The following KIF1A variants were observed in gnomAD, a reference collection of about 807,000 sequenced individuals.
The protein encoded by KIF1A is kinesin-like protein KIF1A.
Under a neutral mutation model 227.3 loss-of-function variants are expected in KIF1A, and 46 were observed. The observed-to-expected ratio is 0.20, with a 90% CI of 0.16 to 0.26. KIF1A has a LOEUF of 0.26. Among genes scored for constraint, KIF1A ranks in the 10% least tolerant of loss-of-function variants. KIF1A has a pLI of 1.00. For missense variants in KIF1A, 1,683 were observed against 2,485.9 expected (o/e 0.68, Z 6.87); for synonymous variants, 1,022 against 1,012.8 (o/e 1.01, Z -0.17).
chr2:240,791,124 C>T (rs1031127522), intron 2 of KIF1A, among the ~76,000 whole-genome samples: 1 of 152,082 alleles, frequency 6.6e-6, no homozygotes, highest in Admixed American at 6.5e-5. Context: ...CCATCACAGC[C>T]CTGTCCTCGG....
chr2:240,719,331 A>G (rs2044979246), intron 46 of KIF1A, 133 bp from the exon 47 acceptor site: 1 of 1,000,564 alleles, frequency 1.0e-6, no homozygotes, highest in Non-Finnish European at 1.4e-6. Context: ...GGGTCGAGGC[A>G]TCGAAGGGCA....
intron 1 of KIF1A, among the ~76,000 whole-genome samples, chr2:240,810,735 C>T (rs994540712): frequency 7.9e-5 from 12 of 152,162 alleles, no homozygotes; most frequent in Admixed American, 2.6e-4. Context: ...TCAGGGCAGA[C>T]GATGACACTC....
intron 10 of KIF1A, among the ~76,000 whole-genome samples, chr2:240,776,763 C>T (rs1295158137): frequency 6.6e-6 from 1 of 152,246 alleles, no homozygotes; most frequent in African/African-American, 2.4e-5. Context: ...CACCCCAGGA[C>T]ATGCACGCAG....
In KIF1A at chr2:240,773,261, G is replaced by A. The variant is rs1025410350; in HGVS notation, c.1038-5C>T. 4 of 1,613,806 alleles carry A rather than the reference G, an allele frequency of 2.5e-6. No individual in the cohort carries two copies. In the African/African-American group the frequency reaches 4.0e-5, roughly 16 times the overall value. ...TGCTTGGCCCGGTCAGCATACCTGG[G>A]TGGCAGAGGGGGCTGTGGGCTGTGC... On this transcript the variant is annotated splice_polypyrimidine_tract_variant and splice_region_variant and intron_variant, in intron 12 of 48. Coordinates refer to ENST00000498729, the MANE Select transcript of KIF1A (RefSeq NM_001244008.2).
Position 240,765,699 on chromosome 2 carries a change from C to G in KIF1A, c.1768+11G>C. On this transcript the variant is annotated intron_variant, in intron 20 of 48. Coordinates refer to ENST00000498729, the MANE Select transcript of KIF1A (RefSeq NM_001244008.2). ...GCCTACCTGACTGGCCCCCGGAGTC[C>G]CCAGCCATACCTGAACGCAGGATGC... is the stretch of plus-strand genomic sequence containing the variant. The G allele has an allele frequency of 6.2e-7, 1 of 1,610,704 alleles. No homozygotes were observed. The highest frequency in any genetic ancestry group is 1.1e-5 in the South Asian group (1 of 90,952).
rs547761983 is a variant in KIF1A, at chr2:240,781,498, C to G, written c.882+1092G>C. ...ACACACACACACACAGCTCCACACA[C>G]AGCTCCACACACACACACACAGCTC... On this transcript the variant is annotated intron_variant, in intron 10 of 48. Transcript: ENST00000498729. Among the ~76,000 whole-genome samples, 1,043 of 143,624 alleles carry G rather than the reference C, an allele frequency of 7.3e-3. 44 individuals are homozygous for G. The highest frequency in any genetic ancestry group is 0.042 in the East Asian group (211 of 4,972). 94.2% of individuals were successfully genotyped at this position (143,624 alleles called of 152,430 possible).
intron 38 of KIF1A, among the ~76,000 whole-genome samples, chr2:240,735,593 C>T (rs543451921): frequency 2.0e-5 from 3 of 152,300 alleles, no homozygotes; most frequent in South Asian, 2.1e-4. Flanking sequence ...AAGCACATCT[C>T]ACATGGCAGA....
Position 240,725,453 on chromosome 2 carries a change from C to G in KIF1A, c.4123-49G>C, listed in dbSNP as rs375809683. 16 of 1,597,148 alleles carry G rather than the reference C, an allele frequency of 1.0e-5. No individual in the cohort carries two copies. Among genetic ancestry groups the G allele is most frequent in the Non-Finnish European group, 1.4e-5 (16 of 1,170,278 alleles). ...CAGGCACAAGGACACCCCGAGTGCCCAGGTGCCCTTCCAGCCTTCTCCTGG... is the reference window on the plus strand; with the variant it reads ...CAGGCACAAGGACACCCCGAGTGCCGAGGTGCCCTTCCAGCCTTCTCCTGG... On this transcript the variant is annotated intron_variant, in intron 39 of 48. Coordinates refer to ENST00000498729, the MANE Select transcript of KIF1A (RefSeq NM_001244008.2). The surrounding 1 kb of genome is among the most constrained non-coding windows in gnomAD (Gnocchi z 5.8).
chr2:240,781,462 TCCACACACACACACACACACAC>T (rs2053982652), intron 10 of KIF1A, among the ~76,000 whole-genome samples: 1 of 5,648 alleles, frequency 1.8e-4, no homozygotes, highest in Non-Finnish European at 3.3e-4. Flanking sequence ...CACACACAGC[TCCACACACACACACACACACAC>T]ACAGCTCCAC....
intron 1 of KIF1A, among the ~76,000 whole-genome samples, chr2:240,805,023 AAGGGG>A (rs1369319573): frequency 7.1e-6 from 1 of 140,452 alleles, no homozygotes; most frequent in African/African-American, 2.6e-5. Flanking sequence ...AAGGGAAGGG[AAGGGG>A]AGGGGAGGGG....
rs2055268481 is a variant in KIF1A at position 240,788,790 on chromosome 2, A to C, written c.183+446T>G. Among the ~76,000 whole-genome samples, 1 of 151,990 alleles carries C rather than the reference A, an allele frequency of 6.6e-6. No individual in the cohort carries two copies. Among genetic ancestry groups the C allele is most frequent in the African/African-American group, 2.4e-5 (1 of 41,358 alleles). Reference sequence around the variant, plus strand: ...ATAGATATGAGGGGCTTAGATGAGGAGGCTGCATGCCTTCTTCTAGAAGGG... The same window carrying C: ...ATAGATATGAGGGGCTTAGATGAGGCGGCTGCATGCCTTCTTCTAGAAGGG... On this transcript the variant is annotated intron_variant, in intron 3 of 48. Coordinates refer to ENST00000498729, the MANE Select transcript of KIF1A (RefSeq NM_001244008.2). The surrounding 1 kb of genome is among the most constrained non-coding windows in gnomAD (Gnocchi z 6.6).
At chr2:240,727,980 G>T (rs934524835) in intron 38 of KIF1A, among the ~76,000 whole-genome samples, 2 of 152,118 alleles carry the variant, frequency 1.3e-5, no homozygotes, top group Non-Finnish European at 2.9e-5. Flanking sequence ...CGTTCAGCTC[G>T]CCCACCCCAC....
chr2:240,737,331 C>T, intron 37 of KIF1A, 163 bp from the exon 38 acceptor site: 1 of 584,132 alleles, frequency 1.7e-6, no homozygotes, highest in East Asian at 2.9e-5. Context: ...CTACAGGGTC[C>T]TCAGCAACCC....
Position 240,778,535 on chromosome 2 carries a change from C to CACACACACACACACACACACAT in KIF1A, c.883-2610_883-2609insATGTGTGTGTGTGTGTGTGTGT, listed in dbSNP as rs1404093478. Among the ~76,000 whole-genome samples, 60 of 151,490 alleles carry CACACACACACACACACACACAT rather than the reference C, an allele frequency of 4.0e-4. 3 individuals are homozygous for CACACACACACACACACACACAT. The highest frequency in any genetic ancestry group is 7.4e-5 in the Non-Finnish European group (5 of 67,874). On this transcript the variant is annotated intron_variant, in intron 10 of 48. Coordinates refer to ENST00000498729, the MANE Select transcript of KIF1A (RefSeq NM_001244008.2). This position sits in a 1 kb window ranked among gnomAD's most constrained non-coding sequence, Gnocchi z 7.2. ...TTACACACACACACACACACACACA[C>CACACACACACACACACACACAT]ACACACACAGGCTTCTCAGTGTCCC...
intron 12 of KIF1A, 79 bp from the exon 13 acceptor site, chr2:240,773,335 C>A: frequency 6.4e-7 from 1 of 1,560,536 alleles, no homozygotes; most frequent in South Asian, 1.1e-5. Flanking sequence ...TAGAGCCCTG[C>A]CCAAGACCCA....
At chr2:240,807,120 G>GTGTATA (rs2057486765) in intron 1 of KIF1A, among the ~76,000 whole-genome samples, 2 of 82,182 alleles carry the variant, frequency 2.4e-5, no homozygotes, top group African/African-American at 1.5e-4. Flanking sequence ...GTGTGTGTGT[G>GTGTATA]TGTGTGTGTG....
At chr2:240,767,056 G>A in intron 18 of KIF1A, 35 bp from the exon 19 acceptor site, 1 of 1,522,982 alleles carries the variant, frequency 6.6e-7, no homozygotes, top group Non-Finnish European at 9.0e-7. Context: ...ACGGCAGCTG[G>A]GACCCAATAC....
chr2:240,755,831 C>T (rs1195330706), intron 27 of KIF1A, among the ~76,000 whole-genome samples: 2 of 152,206 alleles, frequency 1.3e-5, no homozygotes, highest in East Asian at 3.9e-4. Context: ...GGAGCCACTC[C>T]TGGGGCCCAG....
intron 1 of KIF1A, among the ~76,000 whole-genome samples, chr2:240,798,659 G>A (rs181592553): frequency 3.1e-4 from 47 of 152,326 alleles, no homozygotes; most frequent in South Asian, 1.5e-3. Context: ...AAAACTCCCC[G>A]CAAAACAGTG....
Sources: allele counts gnomAD v4.1 joint callset (sites outside exome capture counted in the v4.1 genomes callset), GRCh38; gene constraint gnomAD v4.1.1; non-coding constraint Gnocchi (gnomAD v3.1); transcripts MANE v1.5; gene names NCBI Gene and HGNC (gene_info 2026-07-23, HGNC 2026-07-21).